The following CFAP299 variants were observed in gnomAD, a reference collection of about 807,000 sequenced individuals.
The protein encoded by CFAP299 is cilia- and flagella-associated protein 299.
A neutral mutation model predicts 27.0 loss-of-function variants in CFAP299; 21 were observed. The observed-to-expected ratio is 0.78, with a 90% CI of 0.55 to 1.12. The LOEUF is 1.12. Among genes scored for constraint, CFAP299 ranks in the 50% most tolerant of loss-of-function variants. The pLI, the probability that CFAP299 is intolerant of heterozygous loss-of-function variation, is 0.00. For missense variants in CFAP299, 310 were observed against 276.6 expected, an observed-to-expected ratio of 1.12 and a Z score of -0.86; for synonymous variants, 104 against 98.1, an observed-to-expected ratio of 1.06 and a Z score of -0.36.
At chr4:80,330,338 T>C in the CFAP299 span, among the ~76,000 whole-genome samples, 1 of 152,154 alleles carries the variant, frequency 6.6e-6, no homozygotes, top group Admixed American at 6.6e-5. Context: ...AAACACTTCT[T>C]TTGGCTTTCT....
At chr4:80,785,525 T>C (rs1450657733) in intron 3 of CFAP299, among the ~76,000 whole-genome samples, 1 of 152,186 alleles carries the variant, frequency 6.6e-6, no homozygotes, top group African/African-American at 2.4e-5. Context: ...TTGCATTAAA[T>C]GCCCCAAACA....
chr4:80,601,083 A>G (rs1446978185), intron 3 of CFAP299, among the ~76,000 whole-genome samples: 1 of 152,154 alleles, frequency 6.6e-6, no homozygotes, highest in Non-Finnish European at 1.5e-5. Flanking sequence ...ACCTTCCCAG[A>G]TGGTTAGAGA....
At position 80,339,014 on chromosome 4, in the gene CFAP299, A is replaced by C. The variant is rs1185935595; in HGVS notation, c.111+3135A>C. On this transcript the variant is annotated intron_variant, in intron 1 of 5. Transcript: ENST00000358105. ...CTTTGGGTTGGTTTCAGCCAATAGG[A>C]GGTACCAACTGGAGTGCAGGGGGCT... Among the ~76,000 whole-genome samples, 4 of 152,196 alleles carry C rather than the reference A, an allele frequency of 2.6e-5. No homozygotes were observed. In the East Asian group the frequency reaches 7.7e-4, roughly 29 times the overall value.
intron 2 of CFAP299, among the ~76,000 whole-genome samples, chr4:80,414,068 T>TTTTTC (rs1726868906): frequency 6.4e-5 from 1 of 15,684 alleles, no homozygotes; most frequent in Non-Finnish European, 4.5e-4. Flanking sequence ...GTATTTCTTT[T>TTTTTC]TTTTTTTTTT....
At chr4:80,418,870 C>T (rs951267390) in intron 2 of CFAP299, among the ~76,000 whole-genome samples, 3 of 152,116 alleles carry the variant, frequency 2.0e-5, no homozygotes, top group African/African-American at 7.2e-5. Context: ...GCATGTATAC[C>T]ACATTTTCTT....
At chr4:80,400,881 A>G (rs1178318202) in intron 2 of CFAP299, among the ~76,000 whole-genome samples, 1 of 152,228 alleles carries the variant, frequency 6.6e-6, no homozygotes, top group Non-Finnish European at 1.5e-5. Flanking sequence ...AAATGCTGAC[A>G]GTGATATAGA....
intron 2 of CFAP299, among the ~76,000 whole-genome samples, chr4:80,447,796 A>G (rs1464863249): frequency 1.3e-5 from 2 of 152,078 alleles, no homozygotes; most frequent in Non-Finnish European, 2.9e-5. Context: ...TTAAATTTTG[A>G]CATAATCCTC....
chr4:80,868,254 A>G (rs1009367745), intron 3 of CFAP299, among the ~76,000 whole-genome samples: 3 of 151,688 alleles, frequency 2.0e-5, no homozygotes, highest in Non-Finnish European at 4.4e-5. Context: ...TTTTTTCTTT[A>G]TCTTTGACTT....
chr4:80,362,893 C>G lies in CFAP299; in HGVS notation c.242+9C>G. 6.3e-7 allele frequency: 1 copy of G among 1,596,300 alleles called. No individual in the cohort carries two copies. The highest frequency in any genetic ancestry group is 8.5e-7 in the Non-Finnish European group (1 of 1,175,080). On this transcript the variant is annotated intron_variant, in intron 2 of 5. Transcript: ENST00000358105. ...GAAAGAGCTCAGCAAAAGTAAGTGTCCATGTTCCAAATCCAGATTTTATGT... is the reference window on the plus strand; with the variant it reads ...GAAAGAGCTCAGCAAAAGTAAGTGTGCATGTTCCAAATCCAGATTTTATGT...
intron 4 of CFAP299, among the ~76,000 whole-genome samples, chr4:80,918,651 AT>A (rs902871770): frequency 2.6e-5 from 4 of 152,154 alleles, no homozygotes; most frequent in African/African-American, 9.7e-5. Flanking sequence ...TGTAAAAAAA[AT>A]TTATAAATTC....
chr4:80,327,690 T>TA, the CFAP299 span, among the ~76,000 whole-genome samples: 1 of 51,240 alleles, frequency 2.0e-5, no homozygotes, highest in African/African-American at 6.8e-5. Context: ...TAGAGAGAAG[T>TA]TATATATATA....
chr4:80,793,842 G>T (rs1167947178), intron 3 of CFAP299, among the ~76,000 whole-genome samples: 1 of 152,126 alleles, frequency 6.6e-6, no homozygotes, highest in African/African-American at 2.4e-5. Context: ...TCTGCAACTG[G>T]TCATGTGGTT....
intron 3 of CFAP299, among the ~76,000 whole-genome samples, chr4:80,625,725 A>C (rs1738853087): frequency 6.6e-6 from 1 of 151,982 alleles, no homozygotes; most frequent in Non-Finnish European, 1.5e-5. Context: ...GCCAAACACA[A>C]ACTGGAGTGG....
At chr4:80,798,618 G>A (rs946752877) in intron 3 of CFAP299, among the ~76,000 whole-genome samples, 1 of 152,018 alleles carries the variant, frequency 6.6e-6, no homozygotes, top group African/African-American at 2.4e-5. Flanking sequence ...TTTCTCTACA[G>A]GAGATAAGAT....
At chr4:80,900,321 C>T (rs571974388) in intron 4 of CFAP299, among the ~76,000 whole-genome samples, 1 of 152,104 alleles carries the variant, frequency 6.6e-6, no homozygotes, top group East Asian at 1.9e-4. Flanking sequence ...ATGTTTCTCT[C>T]TTATTATTTT....
chr4:80,600,994 G>T (rs548655974), intron 3 of CFAP299, among the ~76,000 whole-genome samples: 1 of 152,068 alleles, frequency 6.6e-6, no homozygotes, highest in African/African-American at 2.4e-5. Flanking sequence ...TGCTTCATAT[G>T]GTGTCTGTAT....
chr4:80,393,759 T>C (rs994057226), intron 2 of CFAP299, among the ~76,000 whole-genome samples: 3 of 152,164 alleles, frequency 2.0e-5, no homozygotes, highest in Non-Finnish European at 4.4e-5. Flanking sequence ...AGTGACACAT[T>C]TCTCAGAATG....
chr4:80,946,510 A>G (rs921736874), intron 5 of CFAP299, among the ~76,000 whole-genome samples: 1 of 152,212 alleles, frequency 6.6e-6, no homozygotes, highest in Non-Finnish European at 1.5e-5. Flanking sequence ...GGAGGTGATT[A>G]GCTACATGCA....
chr4:80,796,933 T>C (rs1450242201), intron 3 of CFAP299, among the ~76,000 whole-genome samples: 1 of 152,194 alleles, frequency 6.6e-6, no homozygotes, highest in African/African-American at 2.4e-5. Flanking sequence ...TCTATGCCAA[T>C]TAGACATTCT....
Sources: allele counts gnomAD v4.1 joint callset (sites outside exome capture counted in the v4.1 genomes callset), GRCh38; gene constraint gnomAD v4.1.1; transcripts MANE v1.5; gene names NCBI Gene and HGNC (gene_info 2026-07-23, HGNC 2026-07-21).